The following EFNA5 variants were observed in gnomAD, a reference collection of about 807,000 sequenced individuals.
EFNA5 encodes the protein ephrin-A5.
EFNA5 carries 5 observed loss-of-function variants against 22.9 expected under a neutral mutation model. The ratio of observed to expected loss-of-function variants is 0.22; its 90% CI spans 0.11 to 0.46. The LOEUF is 0.46. EFNA5 is among the 20% of genes least tolerant of loss of function. EFNA5 has a pLI of 0.99. For missense variants in EFNA5, 237 were observed against 293.3 expected, an observed-to-expected ratio of 0.81 and a Z score of 1.40; for synonymous variants, 113 against 112.2, an observed-to-expected ratio of 1.01 and a Z score of -0.04.
At chr5:107,543,260 A>T (rs1236288781) in intron 1 of EFNA5, among the ~76,000 whole-genome samples, 4 of 152,254 alleles carry the variant, frequency 2.6e-5, no homozygotes, top group Non-Finnish European at 2.9e-5. Flanking sequence ...AGGGAAAAAA[A>T]GCTGGGGACT....
At chr5:107,586,452 T>G (rs1210265553) in intron 1 of EFNA5, among the ~76,000 whole-genome samples, 1 of 152,156 alleles carries the variant, frequency 6.6e-6, no homozygotes, top group East Asian at 1.9e-4. Flanking sequence ...AGGGAGGACG[T>G]AGAACTATGA....
At chr5:107,565,544 CT>C (rs1748647565) in intron 1 of EFNA5, among the ~76,000 whole-genome samples, 1 of 152,134 alleles carries the variant, frequency 6.6e-6, no homozygotes. Context: ...CATTACTATG[CT>C]CCTACATTAT....
intron 2 of EFNA5, among the ~76,000 whole-genome samples, chr5:107,417,473 T>C (rs867075386): frequency 6.6e-6 from 1 of 152,184 alleles, no homozygotes; most frequent in Non-Finnish European, 1.5e-5. Context: ...AGTCCACATA[T>C]TTCCCCTATT....
chr5:107,449,912 T>C (rs1458562555), intron 1 of EFNA5, among the ~76,000 whole-genome samples: 2 of 152,206 alleles, frequency 1.3e-5, no homozygotes, highest in Non-Finnish European at 2.9e-5. Context: ...TTGTTGACAA[T>C]ATGTTAAGCA....
chr5:107,637,787 A>G (rs1395470015), intron 1 of EFNA5, among the ~76,000 whole-genome samples: 2 of 149,500 alleles, frequency 1.3e-5, no homozygotes, highest in East Asian at 3.9e-4. Flanking sequence ...TAATCAGTTT[A>G]AATTCAAAAG....
chr5:107,590,173 G>C (rs970740735), intron 1 of EFNA5, among the ~76,000 whole-genome samples: 35 of 152,056 alleles, frequency 2.3e-4, no homozygotes, highest in African/African-American at 8.0e-4. Flanking sequence ...CGAAAGAAAT[G>C]GCTAAAGAAG....
Position 107,429,474 on chromosome 5 carries a change from C to T in EFNA5, c.126-1965G>A, listed in dbSNP as rs1748892187. ...AAAGAAAAAAGAAAGAAATAGACCA[C>T]CTTCACTCTGGATGCTAAATATTCA... is the stretch of plus-strand genomic sequence containing the variant. On this transcript the variant is annotated intron_variant, in intron 1 of 4. Transcript: ENST00000333274. Among the ~76,000 whole-genome samples the T allele has an allele frequency of 2.0e-5, 3 of 151,984 alleles. No homozygotes were observed. The South Asian group carries it at 6.2e-4, about 31-fold the overall frequency.
At chr5:107,525,867 C>T (rs1019685443) in intron 1 of EFNA5, among the ~76,000 whole-genome samples, 1 of 152,068 alleles carries the variant, frequency 6.6e-6, no homozygotes, top group Non-Finnish European at 1.5e-5. Flanking sequence ...GTGCTTCAAA[C>T]CCATTTCGGT....
chr5:107,553,732 G>A (rs1406632845), intron 1 of EFNA5, among the ~76,000 whole-genome samples: 1 of 152,180 alleles, frequency 6.6e-6, no homozygotes, highest in Non-Finnish European at 1.5e-5. Flanking sequence ...ATAGATAATA[G>A]TGATGAGATG....
chr5:107,506,833 A>G (rs1747263128), intron 1 of EFNA5, among the ~76,000 whole-genome samples: 1 of 152,222 alleles, frequency 6.6e-6, no homozygotes, highest in Non-Finnish European at 1.5e-5. Flanking sequence ...GGAAAAAGAC[A>G]GCTGAAACAT....
At chr5:107,413,228 T>C (rs1748417049) in intron 2 of EFNA5, among the ~76,000 whole-genome samples, 1 of 152,118 alleles carries the variant, frequency 6.6e-6, no homozygotes, top group Non-Finnish European at 1.5e-5. Flanking sequence ...AAGGAACCTA[T>C]GAAATAATAG....
chr5:107,537,095 C>T (rs1325406139), intron 1 of EFNA5, among the ~76,000 whole-genome samples: 3 of 146,396 alleles, frequency 2.0e-5, no homozygotes, highest in Non-Finnish European at 3.0e-5. Context: ...CAGAGCAAGA[C>T]TCCGCCTCAA....
chr5:107,509,860 CAT>C (rs1312239845), intron 1 of EFNA5, among the ~76,000 whole-genome samples: 1 of 152,146 alleles, frequency 6.6e-6, no homozygotes, highest in Non-Finnish European at 1.5e-5. Flanking sequence ...ACACTCAGAA[CAT>C]AAATGTTTAA....
At chr5:107,485,846 T>C (rs1410870739) in intron 1 of EFNA5, among the ~76,000 whole-genome samples, 1 of 152,238 alleles carries the variant, frequency 6.6e-6, no homozygotes, top group South Asian at 2.1e-4. Flanking sequence ...GAATTCATTT[T>C]ACAATGTTCG....
chr5:107,438,104 C>G lies in EFNA5; in HGVS notation c.126-10595G>C, dbSNP rs928211065. Among the ~76,000 whole-genome samples the G allele has an allele frequency of 3.9e-5, 6 of 152,154 alleles. No homozygotes were observed. In the East Asian group the frequency reaches 9.6e-4, roughly 24 times the overall value. ...AGCTGATCAAAATAAGATGTGGTCC[C>G]GTGCACTTAGCCAAAGCTGCTCTGT... is the stretch of plus-strand genomic sequence containing the variant. On this transcript the variant is annotated intron_variant, in intron 1 of 4. Coordinates refer to ENST00000333274, the MANE Select transcript of EFNA5 (RefSeq NM_001962.3).
chr5:107,602,712 C>G (rs1403130901), intron 1 of EFNA5, among the ~76,000 whole-genome samples: 2 of 152,118 alleles, frequency 1.3e-5, no homozygotes, highest in African/African-American at 4.8e-5. Context: ...AATCCTCAAA[C>G]TGGTCCTAGC....
chr5:107,426,540 A>G (rs1184169777), intron 2 of EFNA5, among the ~76,000 whole-genome samples: 1 of 152,230 alleles, frequency 6.6e-6, no homozygotes, highest in Non-Finnish European at 1.5e-5. Flanking sequence ...TGATGGGTAT[A>G]TAATGGAGAA....
intron 1 of EFNA5, among the ~76,000 whole-genome samples, chr5:107,532,089 T>C (rs927623897): frequency 1.3e-5 from 2 of 152,102 alleles, no homozygotes; most frequent in African/African-American, 2.4e-5. Flanking sequence ...TTTCAGGACA[T>C]AGAGGTTAAT....
intron 1 of EFNA5, among the ~76,000 whole-genome samples, chr5:107,539,073 C>T (rs529585184): frequency 1.3e-5 from 2 of 152,324 alleles, no homozygotes; most frequent in Admixed American, 6.5e-5. Context: ...CCCATTCATA[C>T]CCCAGAAAGT....
Sources: gnomAD v4.1 joint callset for allele counts (sites outside exome capture counted in the v4.1 genomes callset) on GRCh38, gnomAD v4.1.1 for gene constraint, MANE v1.5 for transcripts, NCBI Gene and HGNC (gene_info 2026-07-23, HGNC 2026-07-21) for gene names.